Variants in GSE1 observed in about 807,000 individuals in gnomAD.
GSE1 encodes the protein Gse1 coiled-coil protein, also known as genetic suppressor element 1.
GSE1 carries 32 observed loss-of-function variants against 112.6 expected under a neutral mutation model. That is an observed-to-expected ratio of 0.28 (90% CI 0.21 to 0.38). The LOEUF (loss-of-function observed/expected upper bound fraction) is 0.38, where lower values mean the gene tolerates loss of function less well. Ranked by LOEUF, GSE1 falls within the 10% of genes least tolerant of loss-of-function variation. The pLI is 1.00. For missense variants in GSE1, 2,348 were observed against 1,699.2 expected, an observed-to-expected ratio of 1.38 and a Z score of -6.71; for synonymous variants, 1,115 against 735.6, an observed-to-expected ratio of 1.52 and a Z score of -8.35.
intron 1 of GSE1, among the ~76,000 whole-genome samples, chr16:85,275,483 G>A (rs1371593435): frequency 6.6e-6 from 1 of 152,222 alleles, no homozygotes; most frequent in Non-Finnish European, 1.5e-5. Context: ...GTACCTCGGT[G>A]CGAGTCTCAG....
intron 1 of GSE1, among the ~76,000 whole-genome samples, chr16:85,256,949 C>G (rs1907147032): frequency 6.6e-6 from 1 of 152,220 alleles, no homozygotes; most frequent in Non-Finnish European, 1.5e-5. Context: ...CAACACAGAT[C>G]TAGAAGGTTC....
intron 1 of GSE1, among the ~76,000 whole-genome samples, chr16:85,304,663 G>A (rs1421848573): frequency 1.4e-5 from 2 of 147,638 alleles, no homozygotes; most frequent in South Asian, 2.2e-4. Context: ...AGCTGAGAAC[G>A]TGAAAAGCCA....
chr16:85,482,302 G>A (rs2151874211), intron 2 of GSE1, among the ~76,000 whole-genome samples: 1 of 152,350 alleles, frequency 6.6e-6, no homozygotes, highest in South Asian at 2.1e-4. Flanking sequence ...GTCCTGCCAG[G>A]TGAGAGATCG....
At chr16:85,358,291 C>G (rs1440471321) in intron 2 of GSE1, among the ~76,000 whole-genome samples, 1 of 151,936 alleles carries the variant, frequency 6.6e-6, no homozygotes, top group Admixed American at 6.6e-5. Context: ...GGGGCCTGGG[C>G]CAGGTCAGAT....
chr16:85,241,748 G>A (rs891787046), intron 1 of GSE1, among the ~76,000 whole-genome samples: 1 of 152,146 alleles, frequency 6.6e-6, no homozygotes, highest in African/African-American at 2.4e-5. Context: ...TGGAGGCGGT[G>A]TGGCTCCCAG....
intron 3 of GSE1, among the ~76,000 whole-genome samples, chr16:85,650,729 T>C (rs59424991): frequency 0.33 from 50,758 of 152,048 alleles, 10,292 homozygotes; most frequent in East Asian, 0.72. Context: ...GGCTCCTCGC[T>C]CGGGCACAGA....
intron 1 of GSE1, among the ~76,000 whole-genome samples, chr16:85,318,804 G>A (rs1396353713): frequency 2.0e-5 from 3 of 152,160 alleles, no homozygotes; most frequent in African/African-American, 4.8e-5. Flanking sequence ...AGGTAGTGTC[G>A]CAGGAGACAC....
chr16:85,331,587 A>ATGTG lies in GSE1; in HGVS notation c.2284-25875_2284-25874insGTGT, dbSNP rs2046363364. The stretch of plus-strand genomic sequence containing the variant: ...TGTGTATATATGTGTACATGTGTAT[A>ATGTG]TATGTGTATATGTGTATTTGTGTAT... On this transcript the variant is annotated intron_variant, in intron 1 of 2. Transcript: ENST00000637419. Among the ~76,000 whole-genome samples, 2 of 135,096 alleles carry ATGTG rather than the reference A, an allele frequency of 1.5e-5. 1 individual carries two copies. Among genetic ancestry groups the ATGTG allele is most frequent in the African/African-American group, 5.4e-5 (2 of 37,108 alleles). The allele number at this position is 135,096 out of a possible 152,430, so 88.6% of individuals were successfully genotyped here. A position where few individuals can be genotyped will look rare whatever the true frequency, so the allele number is the denominator to read the frequency against.
intron 1 of GSE1, among the ~76,000 whole-genome samples, chr16:85,203,770 C>G (rs1322612053): frequency 6.6e-6 from 1 of 152,244 alleles, no homozygotes; most frequent in African/African-American, 2.4e-5. Context: ...CAGGGTCTCA[C>G]TCTGTCGCCC....
At chr16:85,272,784 T>C (rs1019661406) in intron 1 of GSE1, among the ~76,000 whole-genome samples, 1 of 150,590 alleles carries the variant, frequency 6.6e-6, no homozygotes, top group African/African-American at 2.4e-5. Flanking sequence ...TTTCTTTTTT[T>C]TTTTTTTTTT....
intron 2 of GSE1, among the ~76,000 whole-genome samples, chr16:85,510,782 ACCATGTG>A (rs1284623872): frequency 2.1e-5 from 3 of 146,314 alleles, no homozygotes; most frequent in Admixed American, 6.9e-5. Context: ...TGCTCCCTGC[ACCATGTG>A]CCCTACTCCT....
intron 14 of GSE1, among the ~76,000 whole-genome samples, chr16:85,670,452 G>C (rs534631861): frequency 6.6e-6 from 1 of 151,866 alleles, no homozygotes; most frequent in Non-Finnish European, 1.5e-5. Flanking sequence ...ATGTATGTTC[G>C]TTAGTATTAG....
intron 2 of GSE1, among the ~76,000 whole-genome samples, chr16:85,507,695 A>G (rs1189317855): frequency 6.6e-6 from 1 of 151,930 alleles, no homozygotes; most frequent in Non-Finnish European, 1.5e-5. Context: ...GTCCTATTGG[A>G]TTAGGGCCAC....
chr16:85,569,249 G>T (rs2045882977), intron 1 of GSE1, among the ~76,000 whole-genome samples: 1 of 152,190 alleles, frequency 6.6e-6, no homozygotes, highest in Non-Finnish European at 1.5e-5. Flanking sequence ...TCTGGGAACG[G>T]TCAGTGCTCA....
chr16:85,479,889 G>T (rs1231194435), intron 2 of GSE1, among the ~76,000 whole-genome samples: 1 of 152,174 alleles, frequency 6.6e-6, no homozygotes, highest in Non-Finnish European at 1.5e-5. Flanking sequence ...GTGGCTTATA[G>T]TTCTGCAGCA....
In GSE1 at chr16:85,648,757, T is replaced by C; in HGVS notation, c.426+6T>C. 6.4e-7 allele frequency: 1 copy of C among 1,561,342 alleles called. No homozygotes were observed. On this transcript the variant is annotated splice_donor_region_variant and intron_variant, in intron 3 of 15. Transcript: ENST00000253458. ...GGAGGAGTGAGAGCCGGCAGGTGAG[T>C]GGGGCGGGGCAGGGAGCCTAGCGTC...
intron 1 of GSE1, among the ~76,000 whole-genome samples, chr16:85,298,301 C>T (rs2966862): frequency 0.022 from 3,405 of 152,288 alleles, 138 homozygotes; most frequent in African/African-American, 0.079. Flanking sequence ...GCAAATTTGA[C>T]ATATCCAAGA....
intron 1 of GSE1, among the ~76,000 whole-genome samples, chr16:85,226,758 GGTGTGTGTGTGTGTGTGTGTGTGTGT>G (rs55999145): frequency 4.5e-4 from 47 of 104,974 alleles, no homozygotes; most frequent in African/African-American, 7.3e-4. Flanking sequence ...TGCCTGGACT[GGTGTGTGTGTGTGTGTGTGTGTGTGT>G]GTGTGTGTGT....
intron 1 of GSE1, among the ~76,000 whole-genome samples, chr16:85,316,218 A>C (rs2045983303): frequency 1.3e-5 from 2 of 152,276 alleles, no homozygotes; most frequent in Admixed American, 1.3e-4. Context: ...TTTAAAAAGG[A>C]AAAGCAGGTG....
Sources: gnomAD v4.1 joint callset for allele counts (sites outside exome capture counted in the v4.1 genomes callset) on GRCh38, gnomAD v4.1.1 for gene constraint, MANE v1.5 for transcripts, NCBI Gene and HGNC (gene_info 2026-07-23, HGNC 2026-07-21) for gene names.